SLC9A9: variants seen among roughly 807,000 people sequenced by gnomAD.
SLC9A9 encodes sodium/hydrogen exchanger 9.
A neutral mutation model predicts 77.8 loss-of-function variants in SLC9A9; 62 were observed. That is an observed-to-expected ratio of 0.80 (90% CI 0.65 to 0.98). The LOEUF is 0.98. Among genes scored for constraint, SLC9A9 ranks in the 50% least tolerant of loss-of-function variants. The pLI is 0.00. For missense variants in SLC9A9, 775 were observed against 774.9 expected (o/e 1.00, Z 0.00); for synonymous variants, 320 against 283.5 (o/e 1.13, Z -1.29).
chr3:143,448,745 A>G (rs976969639), intron 12 of SLC9A9, among the ~76,000 whole-genome samples: 1 of 148,500 alleles, frequency 6.7e-6, no homozygotes, highest in African/African-American at 2.5e-5. Context: ...TAAAATAATC[A>G]CAGTATCATT....
chr3:143,688,155 T>A (rs1933336301), intron 5 of SLC9A9, among the ~76,000 whole-genome samples: 1 of 151,952 alleles, frequency 6.6e-6, no homozygotes, highest in Non-Finnish European at 1.5e-5. Context: ...TTTGCTATGT[T>A]GTTCAGGCTG....
At chr3:143,513,702 T>C (rs1457546236) in intron 9 of SLC9A9, among the ~76,000 whole-genome samples, 1 of 152,202 alleles carries the variant, frequency 6.6e-6, no homozygotes, top group Non-Finnish European at 1.5e-5. Context: ...AAAGTCAAAA[T>C]TACTCCTTGA....
chr3:143,370,724 G>A (rs2033041473), intron 13 of SLC9A9, among the ~76,000 whole-genome samples: 1 of 149,194 alleles, frequency 6.7e-6, no homozygotes, highest in African/African-American at 2.5e-5. Context: ...CCATTATTTA[G>A]TATTTTGTAT....
chr3:143,661,447 CCA>C lies in SLC9A9; in HGVS notation c.650-9089_650-9088del, dbSNP rs2038977294. On this transcript the variant is annotated intron_variant, in intron 5 of 15. Coordinates refer to ENST00000316549, the MANE Select transcript of SLC9A9 (RefSeq NM_173653.4). ...CCCTGGGTTTCCACACTGCTCGACC[CCA>C]CTGTGGCACCTGGCACTGTGAACCC... Among the ~76,000 whole-genome samples, 3 of 152,274 alleles carry C rather than the reference CCA, an allele frequency of 2.0e-5. No individual in the cohort carries two copies. In the East Asian group the frequency reaches 5.8e-4, roughly 29 times the overall value.
At chr3:143,624,699 C>G (rs562782841) in intron 6 of SLC9A9, among the ~76,000 whole-genome samples, 1 of 152,252 alleles carries the variant, frequency 6.6e-6, no homozygotes, top group East Asian at 1.9e-4. Flanking sequence ...CCTCTGAAAA[C>G]TGACACAAGA....
At chr3:143,304,017 A>T (rs1397378771) in intron 14 of SLC9A9, among the ~76,000 whole-genome samples, 1 of 152,192 alleles carries the variant, frequency 6.6e-6, no homozygotes, top group Non-Finnish European at 1.5e-5. Flanking sequence ...AAACATATAT[A>T]TACTGAATGG....
At chr3:143,727,388 A>T (rs1159787568) in intron 4 of SLC9A9, among the ~76,000 whole-genome samples, 1 of 152,126 alleles carries the variant, frequency 6.6e-6, no homozygotes, top group East Asian at 1.9e-4. Flanking sequence ...CTGTAAGAAT[A>T]CTACTTGGAG....
intron 9 of SLC9A9, among the ~76,000 whole-genome samples, chr3:143,514,866 A>G (rs1486032033): frequency 6.6e-6 from 1 of 152,078 alleles, no homozygotes; most frequent in Non-Finnish European, 1.5e-5. Context: ...TTTTGTTATC[A>G]TTTGTGTGTT....
intron 11 of SLC9A9, among the ~76,000 whole-genome samples, chr3:143,474,609 G>A (rs1344764247): frequency 6.6e-6 from 1 of 151,952 alleles, no homozygotes; most frequent in African/African-American, 2.4e-5. Flanking sequence ...ATGTCTGGGT[G>A]TATAAGGGCG....
At chr3:143,416,102 T>G (rs2034186681) in intron 12 of SLC9A9, among the ~76,000 whole-genome samples, 1 of 152,138 alleles carries the variant, frequency 6.6e-6, no homozygotes, top group Non-Finnish European at 1.5e-5. Flanking sequence ...CCTGAAGATG[T>G]GACCAAATTG....
chr3:143,404,248 A>G (rs879635649), intron 12 of SLC9A9, among the ~76,000 whole-genome samples: 72 of 150,736 alleles, frequency 4.8e-4, no homozygotes, highest in Non-Finnish European at 4.3e-4. Context: ...ATCTGAGCTC[A>G]CTGCAACTTC....
At chr3:143,717,357 T>C (rs1359824284) in intron 4 of SLC9A9, among the ~76,000 whole-genome samples, 1 of 152,222 alleles carries the variant, frequency 6.6e-6, no homozygotes, top group African/African-American at 2.4e-5. Context: ...GCTCTGACTA[T>C]GGCTTCTCTC....
At chr3:143,702,026 G>A (rs958396557) in intron 4 of SLC9A9, among the ~76,000 whole-genome samples, 2 of 152,102 alleles carry the variant, frequency 1.3e-5, no homozygotes, top group African/African-American at 2.4e-5. Flanking sequence ...TTAAAGTGCT[G>A]AAGGAAAGAA....
chr3:143,316,563 C>T (rs914648374), intron 14 of SLC9A9, among the ~76,000 whole-genome samples: 1 of 152,072 alleles, frequency 6.6e-6, no homozygotes, highest in Non-Finnish European at 1.5e-5. Flanking sequence ...GGGGATATAC[C>T]TTTAGGTTGG....
At chr3:143,572,436 G>A (rs1043819396) in intron 8 of SLC9A9, among the ~76,000 whole-genome samples, 3 of 151,982 alleles carry the variant, frequency 2.0e-5, no homozygotes, top group African/African-American at 4.8e-5. Context: ...AATACTACTT[G>A]GATCATTTTA....
intron 6 of SLC9A9, among the ~76,000 whole-genome samples, chr3:143,616,073 C>T (rs1324277143): frequency 2.6e-5 from 4 of 151,892 alleles, no homozygotes; most frequent in African/African-American, 9.7e-5. Flanking sequence ...TTCGTAGAGA[C>T]AGGGTTTCAC....
chr3:143,359,367 G>T (rs1032212582), intron 14 of SLC9A9, among the ~76,000 whole-genome samples: 10 of 152,124 alleles, frequency 6.6e-5, no homozygotes, highest in Admixed American at 6.5e-4. Flanking sequence ...TTCTGTGTCG[G>T]GTGGTGGTTA....
chr3:143,762,038 G>T (rs976150304), intron 4 of SLC9A9, among the ~76,000 whole-genome samples: 6 of 152,184 alleles, frequency 3.9e-5, no homozygotes, highest in African/African-American at 1.2e-4. Context: ...CATGTCCTTT[G>T]TAGGGACATG....
At chr3:143,748,858 C>G (rs530308452) in intron 4 of SLC9A9, among the ~76,000 whole-genome samples, 2 of 151,624 alleles carry the variant, frequency 1.3e-5, no homozygotes, top group African/African-American at 4.8e-5. Flanking sequence ...CGCCCGCCAC[C>G]GCGCCCGGCT....
Sources: allele counts gnomAD v4.1 joint callset (sites outside exome capture counted in the v4.1 genomes callset), GRCh38; gene constraint gnomAD v4.1.1; transcripts MANE v1.5; gene names NCBI Gene and HGNC (gene_info 2026-07-23, HGNC 2026-07-21).